LMTK2: variants seen among roughly 807,000 people sequenced by gnomAD.
LMTK2 encodes the protein lemur tail kinase 2.
Under a neutral mutation model 127.5 loss-of-function variants are expected in LMTK2, and 37 were observed. The ratio of observed to expected loss-of-function variants is 0.29; its 90% CI spans 0.22 to 0.38. The LOEUF (loss-of-function observed/expected upper bound fraction) is 0.38. LMTK2 is among the 10% of genes least tolerant of loss of function. The pLI is 1.00. For missense variants in LMTK2, 1,694 were observed against 1,920.3 expected (o/e 0.88, Z 2.20); for synonymous variants, 819 against 810.1 (o/e 1.01, Z -0.19).
intron 11 of LMTK2, among the ~76,000 whole-genome samples, chr7:98,198,422 C>A (rs1797662502): frequency 6.6e-6 from 1 of 152,158 alleles, no homozygotes; most frequent in Non-Finnish European, 1.5e-5. Context: ...ATCTCTTGAC[C>A]TCATGATCTG....
At chr7:98,140,134 CTTTCTTTCTTTTCTTTTCTTTTCTTTTCT>C (rs755138542) in intron 2 of LMTK2, among the ~76,000 whole-genome samples, 6,504 of 18,134 alleles carry the variant, frequency 0.36, 1,963 homozygotes, top group East Asian at 0.69. Context: ...TTCTTTCTTT[CTTTCTTTCTTTTCTTTTCTTTTCTTTTCT>C]TTTCTTTTCT....
chr7:98,117,287 G>A (rs1397031271), intron 1 of LMTK2, among the ~76,000 whole-genome samples: 1 of 151,918 alleles, frequency 6.6e-6, no homozygotes, highest in East Asian at 1.9e-4. Flanking sequence ...GACAGGTCTT[G>A]CTCTGTAGTC....
chr7:98,138,792 C>A (rs1796634163), intron 2 of LMTK2, among the ~76,000 whole-genome samples: 1 of 152,158 alleles, frequency 6.6e-6, no homozygotes, highest in South Asian at 2.1e-4. Context: ...TTAGATCATG[C>A]AAAGCTTTTT....
At chr7:98,123,762 T>G (rs971981792) in intron 1 of LMTK2, among the ~76,000 whole-genome samples, 5 of 152,094 alleles carry the variant, frequency 3.3e-5, no homozygotes, top group Non-Finnish European at 2.9e-5. Flanking sequence ...TGCACACACT[T>G]TTTGGGAAGA....
intron 9 of LMTK2, among the ~76,000 whole-genome samples, chr7:98,190,250 T>A (rs1211257208): frequency 6.6e-6 from 1 of 152,224 alleles, no homozygotes; most frequent in Non-Finnish European, 1.5e-5. Context: ...AATGCCTCTT[T>A]TTTTGCTATT....
At chr7:98,134,044 A>G (rs1229432685) in intron 1 of LMTK2, among the ~76,000 whole-genome samples, 2 of 152,196 alleles carry the variant, frequency 1.3e-5, no homozygotes, top group African/African-American at 4.8e-5. Context: ...GTTAAAGGTT[A>G]ACCACATAGA....
chr7:98,199,750 C>T (rs1209744093), intron 11 of LMTK2, among the ~76,000 whole-genome samples: 1 of 152,238 alleles, frequency 6.6e-6, no homozygotes, highest in East Asian at 1.9e-4. Flanking sequence ...CCGCCTCGGT[C>T]TTCGAAAGTG....
intron 1 of LMTK2, among the ~76,000 whole-genome samples, chr7:98,116,306 G>C (rs1796282630): frequency 6.6e-6 from 1 of 152,168 alleles, no homozygotes. Flanking sequence ...ACAGGTTGTA[G>C]ATGCTCTGTC....
chr7:98,165,736 C>G (rs541674398), intron 6 of LMTK2, among the ~76,000 whole-genome samples: 1 of 152,256 alleles, frequency 6.6e-6, no homozygotes, highest in Admixed American at 6.5e-5. Context: ...AAGCCCCATG[C>G]ACCAGGGCAC....
intron 9 of LMTK2, among the ~76,000 whole-genome samples, chr7:98,189,077 A>C (rs1402906183): frequency 6.6e-6 from 1 of 151,860 alleles, no homozygotes; most frequent in African/African-American, 2.4e-5. Flanking sequence ...CTTCTGCTTG[A>C]GTCTGTTGTT....
At chr7:98,154,912 T>G (rs765076798) in intron 5 of LMTK2, 36 bp downstream of exon 5, 4 of 1,212,222 alleles carry the variant, frequency 3.3e-6, no homozygotes, top group South Asian at 2.4e-5. Context: ...GTAAGACTAG[T>G]CTGTGGTCTG....
At chr7:98,188,772 G>A (rs1169589075) in intron 9 of LMTK2, among the ~76,000 whole-genome samples, 1 of 152,150 alleles carries the variant, frequency 6.6e-6, no homozygotes, top group Non-Finnish European at 1.5e-5. Context: ...TGACTATAAT[G>A]TGCCTCTGAA....
intron 6 of LMTK2, among the ~76,000 whole-genome samples, chr7:98,162,819 C>T (rs73710381): frequency 0.015 from 2,324 of 152,280 alleles, 57 homozygotes; most frequent in African/African-American, 0.053. Context: ...TATTTGCACA[C>T]GTTATTCACA....
chr7:98,159,691 A>G (rs558960177), intron 6 of LMTK2, among the ~76,000 whole-genome samples: 11 of 152,278 alleles, frequency 7.2e-5, no homozygotes, highest in African/African-American at 2.2e-4. Context: ...TTAGGTACCA[A>G]TATTTGTCCA....
intron 9 of LMTK2, among the ~76,000 whole-genome samples, chr7:98,187,496 G>A (rs937696723): frequency 2.6e-5 from 4 of 151,118 alleles, no homozygotes; most frequent in Non-Finnish European, 5.9e-5. Flanking sequence ...CTTTCTTTTG[G>A]ATTGATTTCT....
chr7:98,152,941 T>C (rs538652658), intron 4 of LMTK2, among the ~76,000 whole-genome samples: 155 of 152,074 alleles, frequency 1.0e-3, no homozygotes, highest in Non-Finnish European at 1.6e-3. Flanking sequence ...GGTGTAGACT[T>C]AGAGGGGATA....
chr7:98,164,298 C>T (rs1468303957), intron 6 of LMTK2, among the ~76,000 whole-genome samples: 1 of 152,198 alleles, frequency 6.6e-6, no homozygotes, highest in Non-Finnish European at 1.5e-5. Flanking sequence ...GATTAAGGAT[C>T]ACTCACTCAA....
chr7:98,153,984 C>T (rs1394487306), intron 4 of LMTK2, among the ~76,000 whole-genome samples: 1 of 152,122 alleles, frequency 6.6e-6, no homozygotes, highest in Non-Finnish European at 1.5e-5. Flanking sequence ...ATTTTCAGGA[C>T]ATTAAAATTA....
chr7:98,140,435 A>G (rs1796679335), intron 2 of LMTK2, among the ~76,000 whole-genome samples: 1 of 152,102 alleles, frequency 6.6e-6, no homozygotes, highest in Non-Finnish European at 1.5e-5. Context: ...TACAGGCATG[A>G]GCCACTTTGC....
Sources: gnomAD v4.1 joint callset for allele counts (sites outside exome capture counted in the v4.1 genomes callset) on GRCh38, gnomAD v4.1.1 for gene constraint, MANE v1.5 for transcripts, NCBI Gene and HGNC (gene_info 2026-07-23, HGNC 2026-07-21) for gene names.